The following PML variants were observed in gnomAD, a reference collection of about 807,000 sequenced individuals.
PML encodes the protein protein PML.
In PML, 28 loss-of-function variants were observed where a neutral mutation model predicts 65.2. That is an observed-to-expected ratio of 0.43 (90% CI 0.32 to 0.59). The LOEUF (loss-of-function observed/expected upper bound fraction) is 0.59. Among genes scored for constraint, PML ranks in the 20% least tolerant of loss-of-function variants. The pLI, the probability that PML is intolerant of heterozygous loss-of-function variation, is 0.08. For synonymous variants in PML, 500 were observed against 508.8 expected (o/e 0.98, Z 0.23); for missense variants, 1,021 against 1,203.4 (o/e 0.85, Z 2.24).
Position 74,035,749 on chromosome 15 carries a change from T to C in PML, c.1710+1219T>C. On this transcript the variant is annotated intron_variant, in intron 7 of 8. Coordinates refer to ENST00000268058, the MANE Select transcript of PML (RefSeq NM_033238.3). This position sits in a 1 kb window ranked among gnomAD's most constrained non-coding sequence, Gnocchi z 4.1. ...TCCTCCATGGCTTCCCAGCTTGACA[T>C]GTCTTCCGTGGTGGGGGCAGGGGAA... 2 of 1,614,176 alleles carry C rather than the reference T, an allele frequency of 1.2e-6. No individual in the cohort carries two copies. The highest frequency in any genetic ancestry group is 1.7e-6 in the Non-Finnish European group (2 of 1,180,020).
intron 2 of PML, among the ~76,000 whole-genome samples, chr15:74,002,709 C>T (rs2069837081): frequency 6.6e-6 from 1 of 151,866 alleles, no homozygotes; most frequent in Non-Finnish European, 1.5e-5. Flanking sequence ...CCGCCTCAGC[C>T]TCCCAAAGTG....
rs117388242 is a variant in PML at position 74,012,542 on chromosome 15, T to G, written c.603-10286T>G. Among the ~76,000 whole-genome samples, 1,335 of 152,254 alleles carry G rather than the reference T, an allele frequency of 8.8e-3. 14 individuals carry two copies. The highest frequency in any genetic ancestry group is 0.033 in the South Asian group (158 of 4,826). On this transcript the variant is annotated intron_variant, in intron 2 of 8. Coordinates refer to ENST00000268058, the MANE Select transcript of PML (RefSeq NM_033238.3). ...CCAGGCTGGTCTCGAACTCCTGATT[T>G]CAGGTAATCCACCCACCTGGGCCTC...
Position 74,035,361 on chromosome 15 carries a change from C to T in PML, c.1710+831C>T, listed in dbSNP as rs1231911626. On this transcript the variant is annotated intron_variant, in intron 7 of 8. Transcript: ENST00000268058. The surrounding 1 kb of genome is among the most constrained non-coding windows in gnomAD (Gnocchi z 4.1). ...CCAGCCCGCTGAGCAGGCTGCCACC[C>T]CCGATGCTGAGCCTCACAGCGAGCC... The T allele has an allele frequency of 6.2e-7, 1 of 1,612,114 alleles. No individual in the cohort carries two copies. The highest frequency in any genetic ancestry group is 1.1e-5 in the South Asian group (1 of 91,076).
At chr15:74,036,095 C>T (rs368406946) in intron 7 of PML, 5 of 1,613,652 alleles carry the variant, frequency 3.1e-6, no homozygotes, top group Non-Finnish European at 4.2e-6. Context: ...GAATGAATGG[C>T]TATGCATGGA....
intron 2 of PML, among the ~76,000 whole-genome samples, chr15:74,006,824 C>T (rs988477036): frequency 5.9e-5 from 9 of 152,062 alleles, no homozygotes; most frequent in African/African-American, 2.2e-4. Flanking sequence ...TGTCGCATGG[C>T]AAGAGGGGAG....
At chr15:74,030,801 T>A (rs1412433071) in intron 4 of PML, among the ~76,000 whole-genome samples, 1 of 151,662 alleles carries the variant, frequency 6.6e-6, no homozygotes, top group Admixed American at 6.6e-5. Context: ...GGTACCTACT[T>A]TTTTTTTAAC....
Position 74,043,585 on chromosome 15 carries a change from C to T in PML, c.1861+446C>T, listed in dbSNP as rs149213581. On this transcript the variant is annotated intron_variant, in intron 8 of 8. Coordinates refer to ENST00000268058, the MANE Select transcript of PML (RefSeq NM_033238.3). The surrounding 1 kb of genome is among the most constrained non-coding windows in gnomAD (Gnocchi z 4.3). ...TCCAAGGTCACAGAGGGATCAGACC[C>T]CTTATCCTGGAAGCCCCTCTACTTC... is the stretch of plus-strand genomic sequence containing the variant. 8.3e-3 allele frequency among the ~76,000 whole-genome samples: 1,260 copies of T among 152,316 alleles called. 7 individuals are homozygous for T. Among genetic ancestry groups the T allele is most frequent in the Non-Finnish European group, 0.011 (775 of 68,030 alleles).
At chr15:73,995,043 T>A in intron 1 of PML, 102 bp downstream of exon 1, 1 of 1,117,342 alleles carries the variant, frequency 8.9e-7, no homozygotes, top group Non-Finnish European at 1.2e-6. Flanking sequence ...TCAAGTACCC[T>A]AGAGAGTGAC....
Position 74,035,008 on chromosome 15 carries a change from A to G in PML, c.1710+478A>G. Reference sequence around the variant, plus strand: ...ATATAAATCCATTCCACAGTGAAACAGGTGGCCTCGTGGGTAGTGACCCTT... The same window carrying G: ...ATATAAATCCATTCCACAGTGAAACGGGTGGCCTCGTGGGTAGTGACCCTT... On this transcript the variant is annotated intron_variant, in intron 7 of 8. Transcript: ENST00000268058. This position sits in a 1 kb window ranked among gnomAD's most constrained non-coding sequence, Gnocchi z 4.1. 2.0e-6 allele frequency: 3 copies of G among 1,534,756 alleles called. No individual in the cohort carries two copies. The highest frequency in any genetic ancestry group is 2.6e-6 in the Non-Finnish European group (3 of 1,143,198).
chr15:73,997,931 G>A, intron 1 of PML, 73 bp from the exon 2 acceptor site: 1 of 1,295,798 alleles, frequency 7.7e-7, no homozygotes, highest in Non-Finnish European at 1.1e-6. Context: ...GGGTCCAGCT[G>A]TAAGGGTGGT....
rs772041580 is a variant in PML at position 74,044,260 on chromosome 15, G to A, written c.1901G>A (p.Ser634Asn). ...CAGCTGGCTGCGGTGAACCGGGAAA[G>A]CAAGTTCCGCGTGGTCATCCAGCCT... Reference protein sequence around the residue: ...ISQLAAVNRESKFRVVIQPEA... With the variant: ...ISQLAAVNRENKFRVVIQPEA... Residue 634 changes from serine (S) to asparagine (N), a missense_variant, in exon 9 of 9, where the codon AGC (serine) becomes AAC (asparagine). Coordinates refer to ENST00000268058, the MANE Select transcript of PML (RefSeq NM_033238.3). The A allele has an allele frequency of 1.1e-5, 17 of 1,613,992 alleles. No homozygotes were observed. Among genetic ancestry groups the A allele is most frequent in the Non-Finnish European group, 1.4e-5 (17 of 1,180,024 alleles).
In PML at chr15:74,045,225, A is replaced by C. The variant is rs956480766; in HGVS notation, c.*217A>C. On this transcript the variant is annotated 3_prime_UTR_variant, in exon 9 of 9. Coordinates refer to ENST00000268058, the MANE Select transcript of PML (RefSeq NM_033238.3). ...TGAGCACCCATCACCCTAGGTGTGC[A>C]CCAGACTCCTATTAGCCCCTCCTTC... 67 of 566,400 alleles carry C rather than the reference A, an allele frequency of 1.2e-4. No homozygotes were observed. Among genetic ancestry groups the C allele is most frequent in the Non-Finnish European group, 1.4e-4 (45 of 321,036 alleles). 35.1% of individuals were successfully genotyped at this position (566,400 alleles called of 1,614,324 possible).
chr15:74,036,764 C>T (rs1265936398), intron 7 of PML, among the ~76,000 whole-genome samples: 1 of 152,182 alleles, frequency 6.6e-6, no homozygotes, highest in Non-Finnish European at 1.5e-5. Flanking sequence ...TCTATTTCCA[C>T]CCACCTGCCC....
At chr15:74,023,766 C>T (rs2070952644) in intron 3 of PML, among the ~76,000 whole-genome samples, 1 of 152,166 alleles carries the variant, frequency 6.6e-6, no homozygotes, top group Non-Finnish European at 1.5e-5. Flanking sequence ...CTTAAGCCAC[C>T]GGTGTCTCGG....
intron 1 of PML, among the ~76,000 whole-genome samples, chr15:73,996,808 C>T (rs1020740606): frequency 1.3e-5 from 2 of 152,170 alleles, no homozygotes; most frequent in African/African-American, 4.8e-5. Context: ...TTCCCCTAGC[C>T]CTTGGTAACT....
At position 74,023,307 on chromosome 15, in the gene PML, A is replaced by G; in HGVS notation, c.1082A>G (p.Gln361Arg). Residue 361 changes from glutamine to arginine, a missense_variant, in exon 3 of 9, where the codon CAG becomes CGG. Physicochemically the swap from Gln to Arg is conservative, Grantham distance 43. Coordinates refer to ENST00000268058, the MANE Select transcript of PML (RefSeq NM_033238.3). ...FLRQALCRLR[Q>R]EEPQSLQAAV... ...CGCCAGGCGCTCTGCCGCCTGCGCC[A>G]GGAGGAGCCCCAGAGCCTGCAAGCT... is the stretch of plus-strand genomic sequence containing the variant. 1 of 1,609,124 alleles carries G rather than the reference A, an allele frequency of 6.2e-7. No homozygotes were observed. Among genetic ancestry groups the G allele is most frequent in the Non-Finnish European group, 8.5e-7 (1 of 1,179,710 alleles).
At chr15:74,036,797 G>A (rs901419875) in intron 7 of PML, among the ~76,000 whole-genome samples, 1 of 152,116 alleles carries the variant, frequency 6.6e-6, no homozygotes, top group Non-Finnish European at 1.5e-5. Flanking sequence ...CCTCTCAGGG[G>A]TTGTCACCCC....
At chr15:73,995,026 G>A in intron 1 of PML, 85 bp downstream of exon 1, 1 of 1,304,350 alleles carries the variant, frequency 7.7e-7, no homozygotes, top group South Asian at 1.5e-5. Context: ...TCTAACGGAG[G>A]ATTTGGTCAA....
At chr15:74,007,229 C>A (rs1400264628) in intron 2 of PML, among the ~76,000 whole-genome samples, 1 of 152,212 alleles carries the variant, frequency 6.6e-6, no homozygotes, top group Non-Finnish European at 1.5e-5. Context: ...TGTTTTTAGT[C>A]ATGAGAGAAG....
Sources: allele counts gnomAD v4.1 joint callset (sites outside exome capture counted in the v4.1 genomes callset), GRCh38; gene constraint gnomAD v4.1.1; non-coding constraint Gnocchi (gnomAD v3.1); transcripts MANE v1.5; gene names NCBI Gene and HGNC (gene_info 2026-07-23, HGNC 2026-07-21).